Variants in CADM1 observed in about 807,000 individuals in gnomAD.
CADM1 encodes TSLC-1.
CADM1 carries 15 observed loss-of-function variants against 53.1 expected under a neutral mutation model. The ratio of observed to expected loss-of-function variants is 0.28; its 90% CI spans 0.19 to 0.44. The LOEUF is 0.44. Among genes scored for constraint, CADM1 ranks in the 20% least tolerant of loss-of-function variants. The probability of loss-of-function intolerance (pLI) is 1.00; values close to 1 mark genes in which losing one functional copy is unlikely to be tolerated. For missense variants in CADM1, 434 were observed against 611.3 expected, an observed-to-expected ratio of 0.71 and a Z score of 3.06; for synonymous variants, 281 against 243.0, an observed-to-expected ratio of 1.16 and a Z score of -1.45.
intron 5 of CADM1, among the ~76,000 whole-genome samples, chr11:115,219,509 A>G (rs1941324322): frequency 6.6e-6 from 1 of 152,182 alleles, no homozygotes; most frequent in African/African-American, 2.4e-5. Flanking sequence ...CGTAAAGTTA[A>G]CAAGCCCAGA....
intron 1 of CADM1, among the ~76,000 whole-genome samples, chr11:115,297,381 T>C (rs561595966): frequency 6.6e-6 from 1 of 152,304 alleles, no homozygotes; most frequent in African/African-American, 2.4e-5. Flanking sequence ...TAAAAAAGGC[T>C]TCTTTGATCA....
intron 1 of CADM1, among the ~76,000 whole-genome samples, chr11:115,457,406 T>C (rs528974561): frequency 6.6e-6 from 1 of 152,182 alleles, no homozygotes; most frequent in African/African-American, 2.4e-5. Context: ...TTAAAATCCA[T>C]GGACTTAGCC....
At chr11:115,268,503 C>A (rs1004314009) in intron 1 of CADM1, among the ~76,000 whole-genome samples, 6 of 152,076 alleles carry the variant, frequency 3.9e-5, no homozygotes, top group Admixed American at 3.9e-4. Flanking sequence ...AGGAAAAGGG[C>A]CACAGAAGTT....
chr11:115,253,540 T>C (rs888124385), intron 1 of CADM1, among the ~76,000 whole-genome samples: 10 of 152,210 alleles, frequency 6.6e-5, no homozygotes, highest in African/African-American at 2.4e-4. Flanking sequence ...TTTAGTTTGA[T>C]AACTATACAA....
chr11:115,203,175 T>G (rs1940517426), intron 8 of CADM1, among the ~76,000 whole-genome samples: 1 of 151,958 alleles, frequency 6.6e-6, no homozygotes, highest in African/African-American at 2.4e-5. Context: ...CAATTTCAAG[T>G]TTTGTTAAAA....
chr11:115,278,537 A>G lies in CADM1; in HGVS notation c.125-38117T>C, dbSNP rs541975075. 2.0e-5 allele frequency among the ~76,000 whole-genome samples: 3 copies of G among 152,316 alleles called. No homozygotes were observed. In the East Asian group the frequency reaches 5.8e-4, roughly 29 times the overall value. ...GGTTCTGAATGCCAGAGCCAGAAAT[A>G]GAGACTTTATCCTATAGATGTTGAA... On this transcript the variant is annotated intron_variant, in intron 1 of 11. Coordinates refer to ENST00000331581, the MANE Select transcript of CADM1 (RefSeq NM_001301043.2).
chr11:115,490,940 A>G (rs989041376), intron 1 of CADM1, among the ~76,000 whole-genome samples: 3 of 152,210 alleles, frequency 2.0e-5, no homozygotes, highest in Non-Finnish European at 4.4e-5. Flanking sequence ...CAGACACTAA[A>G]TATAACTGCT....
intron 1 of CADM1, among the ~76,000 whole-genome samples, chr11:115,336,341 G>A (rs1016985230): frequency 6.6e-6 from 1 of 152,084 alleles, no homozygotes; most frequent in Admixed American, 6.6e-5. Context: ...TCATCTCATC[G>A]ATCCCTCAAA....
At chr11:115,279,482 A>T (rs1313056147) in intron 1 of CADM1, among the ~76,000 whole-genome samples, 1 of 152,204 alleles carries the variant, frequency 6.6e-6, no homozygotes, top group Non-Finnish European at 1.5e-5. Context: ...TCTTTTCTAA[A>T]TGAAAAACAG....
intron 1 of CADM1, among the ~76,000 whole-genome samples, chr11:115,267,302 T>G (rs1249413497): frequency 6.6e-6 from 1 of 152,234 alleles, no homozygotes; most frequent in African/African-American, 2.4e-5. Flanking sequence ...TTCGATTTGT[T>G]TGGCTGGCTA....
intron 1 of CADM1, chr11:115,256,989 AGT>A: frequency 2.3e-6 from 1 of 434,182 alleles, no homozygotes; most frequent in Admixed American, 2.4e-5. Flanking sequence ...TCACATTTAG[AGT>A]GTGAATTACG....
rs181780420 is a variant in CADM1 at position 115,334,123 on chromosome 11, G to A, written c.125-93703C>T. Reference sequence around the variant, plus strand: ...ACATGTTTGTGCATATTTACACTGTGTATTTTAGTGCTCAAGAAAGCAGAA... The same window carrying A: ...ACATGTTTGTGCATATTTACACTGTATATTTTAGTGCTCAAGAAAGCAGAA... On this transcript the variant is annotated intron_variant, in intron 1 of 11. Transcript: ENST00000331581. Among the ~76,000 whole-genome samples, 29 of 152,224 alleles carry A rather than the reference G, an allele frequency of 1.9e-4. No individual in the cohort carries two copies. In the East Asian group the frequency reaches 5.6e-3, roughly 29 times the overall value.
At chr11:115,476,948 A>AT (rs1277072334) in intron 1 of CADM1, among the ~76,000 whole-genome samples, 2 of 152,208 alleles carry the variant, frequency 1.3e-5, no homozygotes, top group Non-Finnish European at 2.9e-5. Flanking sequence ...TGCCACCTTC[A>AT]TATCAATGAT....
At chr11:115,259,622 T>TA (rs1204155764) in intron 1 of CADM1, among the ~76,000 whole-genome samples, 8 of 152,226 alleles carry the variant, frequency 5.3e-5, no homozygotes, top group African/African-American at 1.9e-4. Flanking sequence ...TTGTTTTTTT[T>TA]AAAGGAAAGA....
chr11:115,405,350 C>G (rs905582111), intron 1 of CADM1, among the ~76,000 whole-genome samples: 1 of 152,150 alleles, frequency 6.6e-6, no homozygotes, highest in Non-Finnish European at 1.5e-5. Flanking sequence ...GAAGAAGATA[C>G]GAAGCTATGA....
intron 1 of CADM1, among the ~76,000 whole-genome samples, chr11:115,419,540 A>C (rs1947700996): frequency 6.6e-6 from 1 of 152,142 alleles, no homozygotes; most frequent in African/African-American, 2.4e-5. Flanking sequence ...TACAATTATC[A>C]GATATTTCCA....
At chr11:115,295,236 G>C (rs1944019551) in intron 1 of CADM1, among the ~76,000 whole-genome samples, 1 of 151,930 alleles carries the variant, frequency 6.6e-6, no homozygotes, top group Non-Finnish European at 1.5e-5. Context: ...GCATCAGTGA[G>C]CATTCAACAA....
chr11:115,463,090 C>T (rs2135377175), intron 1 of CADM1, among the ~76,000 whole-genome samples: 1 of 152,238 alleles, frequency 6.6e-6, no homozygotes, highest in East Asian at 1.9e-4. Flanking sequence ...CTTTAAGAAT[C>T]TAGTTTTAAC....
chr11:115,377,384 A>C (rs889467105), intron 1 of CADM1: 1 of 152,230 alleles, frequency 6.6e-6, no homozygotes, highest in Non-Finnish European at 1.5e-5. Context: ...CCACAGGACT[A>C]AAAATAAATG....
Sources: allele counts gnomAD v4.1 joint callset (sites outside exome capture counted in the v4.1 genomes callset), GRCh38; gene constraint gnomAD v4.1.1; transcripts MANE v1.5; gene names NCBI Gene and HGNC (gene_info 2026-07-23, HGNC 2026-07-21).